PATJ: variants seen among roughly 807,000 people sequenced by gnomAD.
The protein encoded by PATJ is inaD-like protein.
A neutral mutation model predicts 224.9 loss-of-function variants in PATJ; 190 were observed. The ratio of observed to expected loss-of-function variants is 0.84; its 90% CI spans 0.75 to 0.95. The LOEUF is 0.95. Among genes scored for constraint, PATJ ranks in the 40% least tolerant of loss-of-function variants. The probability of loss-of-function intolerance (pLI) is 0.00; values close to 1 mark genes in which losing one functional copy is unlikely to be tolerated. For missense variants in PATJ, 2,121 were observed against 2,270.3 expected, an observed-to-expected ratio of 0.93 and a Z score of 1.34; for synonymous variants, 769 against 820.3, an observed-to-expected ratio of 0.94 and a Z score of 1.07.
intron 31 of PATJ, among the ~76,000 whole-genome samples, chr1:62,059,621 A>G (rs1198694471): frequency 6.6e-6 from 1 of 152,166 alleles, no homozygotes; most frequent in Non-Finnish European, 1.5e-5. Context: ...CATCTCAAAA[A>G]AAAAAAGAAT....
intron 29 of PATJ, among the ~76,000 whole-genome samples, chr1:62,031,588 C>A (rs61775654): frequency 0.13 from 20,154 of 152,056 alleles, 1,544 homozygotes; most frequent in Middle Eastern, 0.26. Context: ...AAAATTTAAT[C>A]GCCTGGACTC....
chr1:61,800,835 GTGTTC>G (rs964696649), intron 11 of PATJ, among the ~76,000 whole-genome samples: 51 of 152,176 alleles, frequency 3.4e-4, no homozygotes, highest in African/African-American at 1.1e-3. Context: ...GTGGTGTTTG[GTGTTC>G]TGTCCTTGTG....
At chr1:62,092,197 GC>G (rs1419909116) in intron 33 of PATJ, among the ~76,000 whole-genome samples, 2 of 151,546 alleles carry the variant, frequency 1.3e-5, no homozygotes, top group Admixed American at 6.6e-5. Context: ...GGGCAACATG[GC>G]AAGACCCCTG....
intron 22 of PATJ, among the ~76,000 whole-genome samples, chr1:61,892,868 G>A (rs1021625688): frequency 3.3e-5 from 5 of 152,098 alleles, no homozygotes; most frequent in African/African-American, 1.2e-4. Context: ...CACTCTTGGT[G>A]TTGTATGTTC....
intron 17 of PATJ, among the ~76,000 whole-genome samples, chr1:61,845,357 A>G (rs1328698078): frequency 2.0e-5 from 3 of 152,204 alleles, no homozygotes; most frequent in African/African-American, 4.8e-5. Context: ...GACCAAAAAC[A>G]ATACTAATTC....
At chr1:62,127,068 TGCGGGCCA>T in intron 39 of PATJ, among the ~76,000 whole-genome samples, 1 of 140,592 alleles carries the variant, frequency 7.1e-6, no homozygotes, top group African/African-American at 3.2e-5. Context: ...AATGGGAATA[TGCGGGCCA>T]GTTTATTCAG....
chr1:61,771,672 T>C, intron 6 of PATJ, 46 bp downstream of exon 6: 1 of 1,358,744 alleles, frequency 7.4e-7, no homozygotes, highest in Non-Finnish European at 1.0e-6. Context: ...ATAATGCCAT[T>C]GATCGTAAGA....
chr1:61,778,433 A>G (rs940561886), intron 7 of PATJ, among the ~76,000 whole-genome samples: 1 of 152,180 alleles, frequency 6.6e-6, no homozygotes, highest in Non-Finnish European at 1.5e-5. Context: ...AAGTTTGTTG[A>G]TATGGTTCCA....
intron 27 of PATJ, among the ~76,000 whole-genome samples, chr1:61,973,877 C>A (rs373582281): frequency 6.6e-6 from 1 of 151,850 alleles, no homozygotes; most frequent in East Asian, 1.9e-4. Context: ...ATAATCAGAT[C>A]GTTTTTTATG....
At chr1:61,853,450 G>T (rs1663153818) in intron 17 of PATJ, among the ~76,000 whole-genome samples, 1 of 152,122 alleles carries the variant, frequency 6.6e-6, no homozygotes, top group South Asian at 2.1e-4. Flanking sequence ...TTTTCTCTAA[G>T]GAAGTGTAGA....
At chr1:61,763,487 A>G (rs1252585544) in intron 3 of PATJ, among the ~76,000 whole-genome samples, 2 of 151,152 alleles carry the variant, frequency 1.3e-5, no homozygotes, top group Non-Finnish European at 2.9e-5. Flanking sequence ...AGCTATGATC[A>G]TGCCACTGCA....
At chr1:61,890,156 G>A (rs1306777717) in intron 22 of PATJ, among the ~76,000 whole-genome samples, 5 of 152,198 alleles carry the variant, frequency 3.3e-5, no homozygotes, top group Middle Eastern at 6.8e-3. Context: ...TTTGTCACCC[G>A]TAAAGTAGGT....
intron 32 of PATJ, among the ~76,000 whole-genome samples, chr1:62,081,809 C>T (rs566665319): frequency 6.6e-6 from 1 of 152,300 alleles, no homozygotes; most frequent in East Asian, 1.9e-4. Context: ...TCAGGTGATC[C>T]GCCCACCTCA....
At chr1:61,904,256 C>T (rs560874343) in intron 24 of PATJ, among the ~76,000 whole-genome samples, 4 of 152,016 alleles carry the variant, frequency 2.6e-5, no homozygotes, top group African/African-American at 7.2e-5. Context: ...TTTAATGTTT[C>T]GTATTATATT....
chr1:61,793,305 G>A (rs1329433501), intron 9 of PATJ, among the ~76,000 whole-genome samples: 2 of 152,116 alleles, frequency 1.3e-5, no homozygotes, highest in Non-Finnish European at 2.9e-5. Flanking sequence ...TTTGTCAGAG[G>A]GAAATGGAGA....
At chr1:62,033,878 C>T (rs943965965) in intron 29 of PATJ, among the ~76,000 whole-genome samples, 3 of 152,038 alleles carry the variant, frequency 2.0e-5, no homozygotes, top group South Asian at 2.1e-4. Flanking sequence ...GCTGGAGATA[C>T]GAAGTAATAA....
chr1:62,096,288 CA>C (rs1419810419), intron 33 of PATJ, among the ~76,000 whole-genome samples: 3 of 151,956 alleles, frequency 2.0e-5, no homozygotes, highest in Non-Finnish European at 4.4e-5. Context: ...AGAATGATGG[CA>C]AAAGTGCTGA....
Position 61,848,246 on chromosome 1 carries a change from G to A in PATJ, c.2113-7784G>A, listed in dbSNP as rs113089802. 2.9e-3 allele frequency among the ~76,000 whole-genome samples: 441 copies of A among 152,252 alleles called. 4 individuals carry two copies. The highest frequency in any genetic ancestry group is 0.01 in the African/African-American group (424 of 41,540). On this transcript the variant is annotated intron_variant, in intron 17 of 43. Coordinates refer to ENST00000642238, the MANE Select transcript of PATJ (RefSeq NM_001350145.3). Reference sequence around the variant, plus strand: ...AACTCTACACATCCAGGTGGGGACCGGGCTAGGTCTCAAAACTTGTCTCTT... The same window carrying A: ...AACTCTACACATCCAGGTGGGGACCAGGCTAGGTCTCAAAACTTGTCTCTT...
In PATJ at chr1:61,827,602, G is replaced by A; in HGVS notation, c.1980+19G>A. On this transcript the variant is annotated intron_variant, in intron 16 of 43. Coordinates refer to ENST00000642238, the MANE Select transcript of PATJ (RefSeq NM_001350145.3). Reference sequence around the variant, plus strand: ...GACAGAGGTACTAAATGAATATAGTGCATTTCCCATAGGCATGCCCATTCA... The same window carrying A: ...GACAGAGGTACTAAATGAATATAGTACATTTCCCATAGGCATGCCCATTCA... The A allele has an allele frequency of 8.7e-6, 14 of 1,607,182 alleles. No individual in the cohort carries two copies. The highest frequency in any genetic ancestry group is 1.2e-5 in the Non-Finnish European group (14 of 1,175,314).
Sources: gnomAD v4.1 joint callset for allele counts (sites outside exome capture counted in the v4.1 genomes callset) on GRCh38, gnomAD v4.1.1 for gene constraint, MANE v1.5 for transcripts, NCBI Gene and HGNC (gene_info 2026-07-23, HGNC 2026-07-21) for gene names.